The following AGBL1 variants were observed in gnomAD, a reference collection of about 807,000 sequenced individuals.
AGBL1 encodes the protein AGBL carboxypeptidase 1.
A neutral mutation model predicts 118.9 loss-of-function variants in AGBL1; 130 were observed. The ratio of observed to expected loss-of-function variants is 1.09; its 90% CI spans 0.95 to 1.26. The LOEUF (loss-of-function observed/expected upper bound fraction) is 1.26. AGBL1 is among the 50% of genes most tolerant of loss of function. The pLI is 0.00. For missense variants in AGBL1, 1,584 were observed against 1,298.1 expected, an observed-to-expected ratio of 1.22 and a Z score of -3.38; for synonymous variants, 555 against 478.9, an observed-to-expected ratio of 1.16 and a Z score of -2.08.
At chr15:86,850,329 T>A (rs2079389386) in intron 22 of AGBL1, among the ~76,000 whole-genome samples, 1 of 152,242 alleles carries the variant, frequency 6.6e-6, no homozygotes, top group African/African-American at 2.4e-5. Context: ...GATTAAATGT[T>A]GGAGAAATTA....
chr15:86,926,720 G>A (rs2080544880), intron 23 of AGBL1, among the ~76,000 whole-genome samples: 1 of 152,152 alleles, frequency 6.6e-6, no homozygotes, highest in Admixed American at 6.6e-5. Context: ...AGAAATAGAG[G>A]TAAAAAATTG....
chr15:86,464,684 T>C (rs894489736), intron 18 of AGBL1, among the ~76,000 whole-genome samples: 14 of 152,226 alleles, frequency 9.2e-5, no homozygotes, highest in Admixed American at 9.2e-4. Context: ...CTTTTTTGCA[T>C]CTATTGAGAT....
intron 22 of AGBL1, among the ~76,000 whole-genome samples, chr15:86,890,385 C>A (rs1177101734): frequency 6.6e-6 from 1 of 152,114 alleles, no homozygotes. Context: ...CATGCAGAAG[C>A]TCATTAGTTT....
chr15:86,473,253 G>C (rs2082504517), intron 18 of AGBL1, among the ~76,000 whole-genome samples: 1 of 152,170 alleles, frequency 6.6e-6, no homozygotes, highest in South Asian at 2.1e-4. Context: ...TGGCTTTCCA[G>C]GGAAGGACTG....
At chr15:86,670,063 T>C (rs1187838201) in intron 21 of AGBL1, among the ~76,000 whole-genome samples, 1 of 152,178 alleles carries the variant, frequency 6.6e-6, no homozygotes, top group Non-Finnish European at 1.5e-5. Context: ...CCTCGCCTAT[T>C]AGACACTTAT....
chr15:86,224,843 G>C, intron 5 of AGBL1, 71 bp from the exon 6 acceptor site: 5 of 1,503,270 alleles, frequency 3.3e-6, no homozygotes, highest in Non-Finnish European at 4.6e-6. Flanking sequence ...TGGGCATGCT[G>C]GCTGTGGGAT....
intron 18 of AGBL1, among the ~76,000 whole-genome samples, chr15:86,472,403 A>G (rs2082490937): frequency 6.6e-6 from 1 of 152,186 alleles, no homozygotes; most frequent in Non-Finnish European, 1.5e-5. Context: ...TTGACAATTC[A>G]TTAATTGGTT....
At chr15:86,801,834 G>A (rs955550347) in intron 22 of AGBL1, among the ~76,000 whole-genome samples, 6 of 152,094 alleles carry the variant, frequency 3.9e-5, no homozygotes, top group Admixed American at 2.0e-4. Flanking sequence ...CATTGCTGTG[G>A]TTATTACATG....
chr15:86,306,061 C>T (rs979346279), intron 17 of AGBL1, among the ~76,000 whole-genome samples: 13 of 151,450 alleles, frequency 8.6e-5, no homozygotes, highest in Middle Eastern at 3.4e-3. Flanking sequence ...TATATATTTA[C>T]GGTGCACATG....
At chr15:86,249,649 T>C (rs939333708) in intron 7 of AGBL1, among the ~76,000 whole-genome samples, 2 of 152,318 alleles carry the variant, frequency 1.3e-5, no homozygotes, top group Middle Eastern at 3.4e-3. Context: ...CCCTCCTGCA[T>C]TGCCGATGTT....
chr15:86,925,935 T>G (rs2080534056), intron 23 of AGBL1, among the ~76,000 whole-genome samples: 1 of 152,006 alleles, frequency 6.6e-6, no homozygotes, highest in Admixed American at 6.6e-5. Context: ...TTTCACTGTG[T>G]TAGTTACGAT....
At chr15:86,122,649 G>C (rs1481336197) in intron 1 of AGBL1, among the ~76,000 whole-genome samples, 1 of 152,082 alleles carries the variant, frequency 6.6e-6, no homozygotes, top group Non-Finnish European at 1.5e-5. Flanking sequence ...CCATTCTACA[G>C]GTTACGTTTT....
At chr15:86,198,130 A>G (rs1048726225) in intron 5 of AGBL1, among the ~76,000 whole-genome samples, 8 of 152,190 alleles carry the variant, frequency 5.3e-5, no homozygotes, top group Admixed American at 2.0e-4. Context: ...CTTAAAATCT[A>G]ACAGAATTTG....
At chr15:86,636,590 A>G (rs1449347951) in intron 21 of AGBL1, among the ~76,000 whole-genome samples, 1 of 149,502 alleles carries the variant, frequency 6.7e-6, no homozygotes, top group East Asian at 2.0e-4. Context: ...ACATTTTAAA[A>G]CAAATTCATC....
intron 3 of AGBL1, among the ~76,000 whole-genome samples, chr15:86,149,251 C>T (rs538193872): frequency 3.9e-5 from 6 of 152,172 alleles, no homozygotes; most frequent in African/African-American, 9.6e-5. Context: ...GACATGATAA[C>T]GACAGGATCA....
At chr15:86,223,521 A>G (rs572309708) in intron 5 of AGBL1, among the ~76,000 whole-genome samples, 22 of 152,276 alleles carry the variant, frequency 1.4e-4, no homozygotes, top group African/African-American at 1.7e-4. Flanking sequence ...TTTTCAATCC[A>G]CTGTTGTGAA....
At chr15:86,743,947 G>T (rs2077718304) in intron 22 of AGBL1, among the ~76,000 whole-genome samples, 1 of 151,988 alleles carries the variant, frequency 6.6e-6, no homozygotes, top group Non-Finnish European at 1.5e-5. Context: ...GGTAAGTTAG[G>T]AAAAGATAAC....
intron 19 of AGBL1, among the ~76,000 whole-genome samples, chr15:86,533,039 A>G (rs1261299433): frequency 1.0e-5 from 1 of 99,808 alleles, no homozygotes; most frequent in African/African-American, 5.5e-5. Context: ...ACCATTCAGG[A>G]CATAGGTGTG....
chr15:86,993,752 A>T (rs1404816207), intron 24 of AGBL1, among the ~76,000 whole-genome samples: 1 of 152,156 alleles, frequency 6.6e-6, no homozygotes, highest in African/African-American at 2.4e-5. Context: ...CCTTTGCCTG[A>T]AGCCAGATTT....
Sources: allele counts gnomAD v4.1 joint callset (sites outside exome capture counted in the v4.1 genomes callset), GRCh38; gene constraint gnomAD v4.1.1; transcripts MANE v1.5; gene names NCBI Gene and HGNC (gene_info 2026-07-23, HGNC 2026-07-21).